Variants in GABRB1 observed in about 807,000 individuals in gnomAD.
GABRB1 encodes gamma-aminobutyric acid receptor subunit beta-1.
In GABRB1, 17 loss-of-function variants were observed where a neutral mutation model predicts 51.6. The observed-to-expected ratio is 0.33, with a 90% CI of 0.23 to 0.49. GABRB1 has a LOEUF of 0.49. Among genes scored for constraint, GABRB1 ranks in the 20% least tolerant of loss-of-function variants. GABRB1 has a pLI of 0.99. For missense variants in GABRB1, 410 were observed against 600.6 expected (o/e 0.68, Z 3.32); for synonymous variants, 247 against 218.9 (o/e 1.13, Z -1.14).
intron 4 of GABRB1, among the ~76,000 whole-genome samples, chr4:47,222,593 G>C (rs1720806410): frequency 6.6e-6 from 1 of 152,130 alleles, no homozygotes; most frequent in South Asian, 2.1e-4. Context: ...AGACATGTGA[G>C]TGAAGCCATC....
At chr4:47,229,163 T>C (rs1721053051) in intron 4 of GABRB1, among the ~76,000 whole-genome samples, 1 of 152,168 alleles carries the variant, frequency 6.6e-6, no homozygotes, top group Non-Finnish European at 1.5e-5. Context: ...TTTTGGAGAC[T>C]TAAGTGAGCT....
At chr4:47,268,898 C>G (rs1722747897) in intron 4 of GABRB1, among the ~76,000 whole-genome samples, 1 of 152,058 alleles carries the variant, frequency 6.6e-6, no homozygotes, top group Non-Finnish European at 1.5e-5. Flanking sequence ...TCTTCAAAAA[C>G]AAAGCATTTA....
chr4:47,300,168 TAGCAC>T (rs1724200609), intron 4 of GABRB1, among the ~76,000 whole-genome samples: 1 of 151,790 alleles, frequency 6.6e-6, no homozygotes, highest in South Asian at 2.1e-4. Flanking sequence ...TGCGGCACAC[TAGCAC>T]AGCACATGTA....
chr4:47,102,505 G>A (rs542424565), intron 3 of GABRB1, among the ~76,000 whole-genome samples: 6 of 152,102 alleles, frequency 3.9e-5, no homozygotes, highest in African/African-American at 1.2e-4. Context: ...ATGAAGAGTT[G>A]AGTAACCTCC....
At chr4:47,025,505 T>C (rs1012375242) in intron 1 of GABRB1, among the ~76,000 whole-genome samples, 1 of 151,952 alleles carries the variant, frequency 6.6e-6, no homozygotes, top group Non-Finnish European at 1.5e-5. Flanking sequence ...AACTTGAATT[T>C]TTTTTCCACA....
intron 8 of GABRB1, among the ~76,000 whole-genome samples, chr4:47,419,855 C>T (rs137876902): frequency 6.6e-6 from 1 of 152,112 alleles, no homozygotes; most frequent in Admixed American, 6.5e-5. Context: ...TGAAATATTG[C>T]CAAGCCCTTG....
At chr4:47,134,708 T>C (rs1332619854) in intron 3 of GABRB1, among the ~76,000 whole-genome samples, 1 of 152,168 alleles carries the variant, frequency 6.6e-6, no homozygotes, top group Non-Finnish European at 1.5e-5. Context: ...AAAGATGAAA[T>C]AATTCCGTTT....
chr4:47,393,153 G>A (rs1326851845), intron 5 of GABRB1, among the ~76,000 whole-genome samples: 1 of 152,208 alleles, frequency 6.6e-6, no homozygotes, highest in Non-Finnish European at 1.5e-5. Flanking sequence ...TGTGGTTGCT[G>A]TAGCTACTTG....
intron 4 of GABRB1, among the ~76,000 whole-genome samples, chr4:47,178,654 C>T (rs1718805001): frequency 1.3e-5 from 2 of 151,948 alleles, no homozygotes; most frequent in Admixed American, 6.6e-5. Flanking sequence ...TTTTTATTCA[C>T]CCCATATAAA....
intron 4 of GABRB1, among the ~76,000 whole-genome samples, chr4:47,190,707 C>T (rs893598655): frequency 6.6e-6 from 1 of 152,128 alleles, no homozygotes; most frequent in Non-Finnish European, 1.5e-5. Context: ...AATTTGACTC[C>T]AAGCCCTCCT....
At chr4:47,272,551 T>C (rs953268542) in intron 4 of GABRB1, among the ~76,000 whole-genome samples, 2 of 152,152 alleles carry the variant, frequency 1.3e-5, no homozygotes, top group Non-Finnish European at 1.5e-5. Flanking sequence ...AAATTATAAC[T>C]GGTAATTACA....
intron 4 of GABRB1, among the ~76,000 whole-genome samples, chr4:47,162,289 C>G (rs952516591): frequency 6.6e-6 from 1 of 152,006 alleles, no homozygotes; most frequent in Non-Finnish European, 1.5e-5. Context: ...ACCAATGTAA[C>G]TTCCGTCAGA....
intron 3 of GABRB1, among the ~76,000 whole-genome samples, chr4:47,115,203 A>C (rs956067698): frequency 3.9e-5 from 6 of 152,212 alleles, no homozygotes; most frequent in Non-Finnish European, 7.3e-5. Context: ...GATAGCTAAT[A>C]CATCTAAAAT....
chr4:47,169,043 C>A (rs1387482064), intron 4 of GABRB1, among the ~76,000 whole-genome samples: 1 of 152,114 alleles, frequency 6.6e-6, no homozygotes, highest in Non-Finnish European at 1.5e-5. Context: ...AACTTGATTA[C>A]CCCTCTAAAG....
At chr4:47,378,834 G>A (rs1205774502) in intron 5 of GABRB1, among the ~76,000 whole-genome samples, 1 of 152,058 alleles carries the variant, frequency 6.6e-6, no homozygotes, top group Non-Finnish European at 1.5e-5. Context: ...CTCTGTGAAG[G>A]AAATATAATT....
intron 4 of GABRB1, among the ~76,000 whole-genome samples, chr4:47,259,303 T>C (rs1423252950): frequency 1.3e-5 from 2 of 152,118 alleles, no homozygotes; most frequent in Non-Finnish European, 2.9e-5. Context: ...ACCATGTTTG[T>C]AATCATAAAC....
intron 5 of GABRB1, among the ~76,000 whole-genome samples, chr4:47,385,811 C>A (rs1316517378): frequency 6.6e-6 from 1 of 152,144 alleles, no homozygotes; most frequent in East Asian, 1.9e-4. Flanking sequence ...ATCAGGGGCT[C>A]CCACAAACCT....
upstream of GABRB1, among the ~76,000 whole-genome samples, chr4:47,030,882 C>A (rs569299612): frequency 6.6e-6 from 1 of 152,102 alleles, no homozygotes; most frequent in African/African-American, 2.4e-5. Context: ...ATTGCCTGCC[C>A]AGAACTGCTG....
At chr4:47,273,809 T>C (rs931008939) in intron 4 of GABRB1, among the ~76,000 whole-genome samples, 3 of 151,066 alleles carry the variant, frequency 2.0e-5, no homozygotes, top group African/African-American at 7.3e-5. Context: ...ATTATTGAGA[T>C]TGAGGTTTTG....
Sources: allele counts gnomAD v4.1 joint callset (sites outside exome capture counted in the v4.1 genomes callset), GRCh38; gene constraint gnomAD v4.1.1; transcripts MANE v1.5; gene names NCBI Gene and HGNC (gene_info 2026-07-23, HGNC 2026-07-21).